Variants in NKD1 observed in about 807,000 individuals in gnomAD.
The protein encoded by NKD1 is NKD inhibitor of Wnt signaling pathway 1, also known as protein naked cuticle homolog 1.
Under a neutral mutation model 56.0 loss-of-function variants are expected in NKD1, and 21 were observed. That is an observed-to-expected ratio of 0.38 (90% CI 0.27 to 0.54). The LOEUF is 0.54. NKD1 is among the 20% of genes least tolerant of loss of function. NKD1 has a pLI of 0.82. For missense variants in NKD1, 578 were observed against 642.7 expected (o/e 0.90, Z 1.09); for synonymous variants, 263 against 265.7 (o/e 0.99, Z 0.10).
At chr16:50,618,073 C>G (rs1962002016) in intron 4 of NKD1, among the ~76,000 whole-genome samples, 1 of 152,174 alleles carries the variant, frequency 6.6e-6, no homozygotes, top group Non-Finnish European at 1.5e-5. Context: ...AGGTTTGGCT[C>G]AGCAAGTGTA....
chr16:50,642,799 C>T lies in NKD1; in HGVS notation c.*9018C>T, dbSNP rs1962603413. On this transcript the variant is annotated 3_prime_UTR_variant, in exon 10 of 10. Coordinates refer to ENST00000268459, the MANE Select transcript of NKD1 (RefSeq NM_033119.5). ...CCCGGCTGCAGAGCCCCCAGTGAGA[C>T]AGCTGCTGTGGCATGCTGCCTCTGC... 6.6e-6 allele frequency: 1 copy of T among 152,278 alleles called. No homozygotes were observed. The highest frequency in any genetic ancestry group is 2.4e-5 in the African/African-American group (1 of 41,456). 9.4% of individuals were successfully genotyped at this position (152,278 alleles called of 1,614,324 possible).
chr16:50,567,128 C>T (rs1354204852), intron 3 of NKD1, among the ~76,000 whole-genome samples: 2 of 151,964 alleles, frequency 1.3e-5, no homozygotes, highest in Admixed American at 6.6e-5. Context: ...TATACTGAAC[C>T]GTGTTGACGC....
intron 3 of NKD1, among the ~76,000 whole-genome samples, chr16:50,580,178 T>C (rs1282715679): frequency 1.3e-5 from 2 of 152,268 alleles, no homozygotes; most frequent in Non-Finnish European, 2.9e-5. Context: ...AGGTGGGCTT[T>C]CTGTTTTTAG....
intron 4 of NKD1, among the ~76,000 whole-genome samples, chr16:50,608,688 G>A (rs1047057655): frequency 6.6e-6 from 1 of 152,212 alleles, no homozygotes; most frequent in East Asian, 1.9e-4. Flanking sequence ...TCAGAGTGAT[G>A]TGTGAAGTGT....
chr16:50,645,060 C>G lies in NKD1; in HGVS notation c.*11279C>G, dbSNP rs147272366. On this transcript the variant is annotated 3_prime_UTR_variant, in exon 10 of 10. Transcript: ENST00000268459. Reference sequence around the variant, plus strand: ...CCAGAAAGGACCTGCTCAGGCCTGGCTGGCCTTTACCACCGTCATCTCCAG... The same window carrying G: ...CCAGAAAGGACCTGCTCAGGCCTGGGTGGCCTTTACCACCGTCATCTCCAG... 6.2e-3 allele frequency: 943 copies of G among 152,402 alleles called. 9 individuals carry two copies. Among genetic ancestry groups the G allele is most frequent in the Non-Finnish European group, 6.8e-3 (463 of 68,076 alleles). The allele number at this position is 152,402 out of a possible 1,614,324, so 9.4% of individuals were successfully genotyped here.
At chr16:50,587,032 T>G (rs1339117160) in intron 3 of NKD1, among the ~76,000 whole-genome samples, 9 of 152,176 alleles carry the variant, frequency 5.9e-5, no homozygotes, top group Admixed American at 1.3e-4. Context: ...CCTTCACCAT[T>G]ATGCCATCAG....
chr16:50,616,086 A>G, intron 4 of NKD1: 1 of 455,976 alleles, frequency 2.2e-6, no homozygotes, highest in Non-Finnish European at 4.4e-6. Context: ...CATCTTGGCA[A>G]GCAACCCTGA....
intron 3 of NKD1, among the ~76,000 whole-genome samples, chr16:50,585,998 C>T (rs544973011): frequency 4.6e-5 from 7 of 152,206 alleles, no homozygotes; most frequent in South Asian, 4.2e-4. Context: ...TAAGGTTTCA[C>T]GAGGCAGGGA....
intron 3 of NKD1, chr16:50,566,187 C>T: frequency 1.0e-6 from 1 of 985,296 alleles, no homozygotes; most frequent in Non-Finnish European, 1.2e-6. Flanking sequence ...GATTTCAAGC[C>T]CTTGTCAACT....
intron 6 of NKD1, among the ~76,000 whole-genome samples, chr16:50,625,936 A>G (rs1962203118): frequency 6.6e-6 from 1 of 152,146 alleles, no homozygotes; most frequent in South Asian, 2.1e-4. Context: ...ACAGTCCCAG[A>G]GCTCTAGGGG....
chr16:50,560,390 G>A (rs1403353189), intron 3 of NKD1, among the ~76,000 whole-genome samples: 2 of 152,226 alleles, frequency 1.3e-5, no homozygotes, highest in African/African-American at 4.8e-5. Flanking sequence ...TGCTTGCTGC[G>A]TGTCTGCTGT....
At chr16:50,618,948 T>A (rs1567350994) in intron 4 of NKD1, among the ~76,000 whole-genome samples, 1 of 152,150 alleles carries the variant, frequency 6.6e-6, no homozygotes, top group African/African-American at 2.4e-5. Flanking sequence ...AGGCTGTCCG[T>A]GCACGGTGGA....
intron 3 of NKD1, chr16:50,575,043 A>G (rs60297852): frequency 0.061 from 60,425 of 984,888 alleles, 5,234 homozygotes; most frequent in African/African-American, 0.39. Flanking sequence ...TTCTGAACCC[A>G]GCTGTCTTCT....
chr16:50,578,837 TG>T (rs1218686470), intron 3 of NKD1, among the ~76,000 whole-genome samples: 1 of 152,190 alleles, frequency 6.6e-6, no homozygotes, highest in Non-Finnish European at 1.5e-5. Context: ...CTTTTGTCTC[TG>T]GGAATGCAAA....
intron 3 of NKD1, 48 bp downstream of exon 3, chr16:50,549,603 A>G: frequency 6.6e-7 from 1 of 1,505,938 alleles, no homozygotes; most frequent in Non-Finnish European, 8.9e-7. Context: ...TTTCAGCCTC[A>G]GAGATGGGTC....
intron 3 of NKD1, among the ~76,000 whole-genome samples, chr16:50,599,912 T>C (rs976862297): frequency 6.6e-6 from 1 of 152,122 alleles, no homozygotes; most frequent in Admixed American, 6.5e-5. Flanking sequence ...TTTGGGTTTT[T>C]TTTCCCCCAT....
At chr16:50,583,337 C>G (rs934703205) in intron 3 of NKD1, among the ~76,000 whole-genome samples, 3 of 152,172 alleles carry the variant, frequency 2.0e-5, no homozygotes, top group Admixed American at 2.0e-4. Context: ...GAGAGTGAGG[C>G]TCTGAGACCG....
In NKD1 at chr16:50,610,111, G is replaced by T. The variant is rs566824821; in HGVS notation, c.259+1751G>T. Among the ~76,000 whole-genome samples the T allele has an allele frequency of 3.3e-5, 5 of 152,268 alleles. No homozygotes were observed. The East Asian group carries it at 9.6e-4, about 29-fold the overall frequency. ...TTTGGGAAGCTGAGGCTGGAGGATC[G>T]CTTGAGCTCATGAGTTCAAGACCAG... On this transcript the variant is annotated intron_variant, in intron 4 of 9. Coordinates refer to ENST00000268459, the MANE Select transcript of NKD1 (RefSeq NM_033119.5).
At chr16:50,587,048 C>T (rs1024977997) in intron 3 of NKD1, among the ~76,000 whole-genome samples, 3 of 152,180 alleles carry the variant, frequency 2.0e-5, no homozygotes, top group African/African-American at 4.8e-5. Flanking sequence ...ATCAGCTCCA[C>T]GACTCGAAAG....
Sources: allele counts gnomAD v4.1 joint callset (sites outside exome capture counted in the v4.1 genomes callset), GRCh38; gene constraint gnomAD v4.1.1; transcripts MANE v1.5; gene names NCBI Gene and HGNC (gene_info 2026-07-23, HGNC 2026-07-21).